The following HNRNPM variants were observed in gnomAD, a reference collection of about 807,000 sequenced individuals.
HNRNPM encodes the protein heterogeneous nuclear ribonucleoprotein M.
Under a neutral mutation model 73.1 loss-of-function variants are expected in HNRNPM, and 11 were observed. That is an observed-to-expected ratio of 0.15 (90% CI 0.09 to 0.25). HNRNPM has a LOEUF of 0.25. HNRNPM is among the 10% of genes least tolerant of loss of function. The pLI is 1.00. For missense variants in HNRNPM, 789 were observed against 1,067.9 expected, an observed-to-expected ratio of 0.74 and a Z score of 3.64; for synonymous variants, 407 against 355.2, an observed-to-expected ratio of 1.15 and a Z score of -1.64.
chr19:8,480,555 A>G (rs905322527), intron 12 of HNRNPM, among the ~76,000 whole-genome samples: 1 of 150,852 alleles, frequency 6.6e-6, no homozygotes, highest in East Asian at 2.0e-4. Context: ...AATCCCAGCT[A>G]TTCAGGTGGC....
At chr19:8,461,835 A>T (rs1415108022) in intron 2 of HNRNPM, 1 of 152,212 alleles carries the variant, frequency 6.6e-6, no homozygotes, top group Admixed American at 6.5e-5. Context: ...ATATTCAAAC[A>T]TTCTGCCTCT....
rs73499656 is a variant in HNRNPM at position 8,481,410 on chromosome 19, A to G, written c.1121-1748A>G. 8.7e-3 allele frequency: 1,335 copies of G among 152,978 alleles called. 23 individuals carry two copies. Among genetic ancestry groups the G allele is most frequent in the African/African-American group, 0.03 (1,259 of 41,544 alleles). The allele number at this position is 152,978 out of a possible 1,614,324, so 9.5% of individuals were successfully genotyped here. Reference sequence around the variant, plus strand: ...TAGAGCGGCTGGCGGCGGTGGGTGCAGGTCTCTGTGAGGCAGGGGAGGAGC... The same window carrying G: ...TAGAGCGGCTGGCGGCGGTGGGTGCGGGTCTCTGTGAGGCAGGGGAGGAGC... On this transcript the variant is annotated intron_variant, in intron 12 of 15. Transcript: ENST00000325495.
chr19:8,457,382 G>A (rs996600740), intron 2 of HNRNPM, among the ~76,000 whole-genome samples: 1 of 152,150 alleles, frequency 6.6e-6, no homozygotes, highest in African/African-American at 2.4e-5. Flanking sequence ...GGTTGATTGG[G>A]ATACTTCCAA....
chr19:8,463,929 C>G, intron 5 of HNRNPM: 1 of 468,756 alleles, frequency 2.1e-6, no homozygotes, highest in African/African-American at 1.9e-5. Flanking sequence ...TTGTCTGAGG[C>G]CTTGTTGTCT....
chr19:8,473,533 A>G (rs1307119657), intron 10 of HNRNPM, 131 bp from the exon 11 acceptor site: 3 of 652,090 alleles, frequency 4.6e-6, no homozygotes, highest in Non-Finnish European at 5.5e-6. Context: ...TGATTAAAAT[A>G]TATAAAATAT....
chr19:8,454,678 C>CA (rs142194453), intron 1 of HNRNPM, among the ~76,000 whole-genome samples: 1 of 122,954 alleles, frequency 8.1e-6, no homozygotes, highest in Non-Finnish European at 1.8e-5. Context: ...TTTATGCCCC[C>CA]CCCCCCTTTT....
chr19:8,471,724 G>A (rs1329939511), intron 10 of HNRNPM, among the ~76,000 whole-genome samples: 1 of 152,092 alleles, frequency 6.6e-6, no homozygotes, highest in African/African-American at 2.4e-5. Context: ...CTTGCTCAAG[G>A]TCACACTGTC....
intron 9 of HNRNPM, among the ~76,000 whole-genome samples, 174 bp downstream of exon 9, chr19:8,469,008 A>T (rs778480373): frequency 4.0e-4 from 61 of 152,132 alleles, no homozygotes; most frequent in Non-Finnish European, 7.8e-4. Context: ...CAACTTGAGG[A>T]TATTGTTAGG....
At chr19:8,465,752 C>G (rs1434674232) in intron 6 of HNRNPM, among the ~76,000 whole-genome samples, 1 of 152,100 alleles carries the variant, frequency 6.6e-6, no homozygotes, top group Non-Finnish European at 1.5e-5. Context: ...TTTCCGCAAG[C>G]AGTAACCGAG....
chr19:8,466,427 C>T, intron 7 of HNRNPM, 39 bp downstream of exon 7: 3 of 1,603,850 alleles, frequency 1.9e-6, no homozygotes, highest in South Asian at 1.1e-5. Context: ...AACAGTTTGA[C>T]CTAAATTGCT....
At chr19:8,476,583 AG>A (rs1426057135) in intron 12 of HNRNPM, among the ~76,000 whole-genome samples, 2 of 146,008 alleles carry the variant, frequency 1.4e-5, no homozygotes, top group East Asian at 3.9e-4. Context: ...AAAAAAAGAG[AG>A]ATTGTTAAAT....
intron 13 of HNRNPM, among the ~76,000 whole-genome samples, chr19:8,484,578 T>C (rs1971141898): frequency 6.6e-6 from 1 of 152,264 alleles, no homozygotes; most frequent in East Asian, 1.9e-4. Flanking sequence ...TCACACATTC[T>C]TAGAGTCGGG....
intron 10 of HNRNPM, among the ~76,000 whole-genome samples, chr19:8,473,312 T>G (rs1367613101): frequency 6.6e-6 from 1 of 151,980 alleles, no homozygotes; most frequent in African/African-American, 2.4e-5. Context: ...CAGAAAAAGA[T>G]TAGCCAGGCG....
At position 8,455,416 on chromosome 19, in the gene HNRNPM, G is replaced by A. The variant is rs1336787151; in HGVS notation, c.125G>A (p.Arg42Gln). ...TCTCTCGAATTCAGTGAAGGAGAAC[G>A]ACCTGCTCAGAATGAGAAGAGGAAG... The part of the protein sequence containing the change: ...GAPGPKGEGE[R>Q]PAQNEKRKEK... Residue 42 changes from arginine (R) to glutamine (Q), a missense_variant, in exon 2 of 16, where the codon CGA (arginine) becomes CAA (glutamine). Arg to Gln is a conservative substitution (Grantham distance 43). This residue lies in a region of HNRNPM where 79 missense variants were observed against 70.7 expected (regional missense o/e 1.12). Transcript: ENST00000325495. 1 of 1,613,386 alleles carries A rather than the reference G, an allele frequency of 6.2e-7. No homozygotes were observed. Among genetic ancestry groups the A allele is most frequent in the Non-Finnish European group, 8.5e-7 (1 of 1,179,734 alleles).
intron 8 of HNRNPM, 56 bp downstream of exon 8, chr19:8,467,640 TTAATAA>T: frequency 1.6e-6 from 2 of 1,232,730 alleles, no homozygotes; most frequent in Admixed American, 3.4e-5. Flanking sequence ...AAACATGGAA[TTAATAA>T]GAGTGTACAT....
At chr19:8,458,426 A>C (rs1168512657) in intron 2 of HNRNPM, among the ~76,000 whole-genome samples, 1 of 152,234 alleles carries the variant, frequency 6.6e-6, no homozygotes, top group African/African-American at 2.4e-5. Context: ...AGGCGATCTT[A>C]GGCTTTTAAA....
intron 12 of HNRNPM, among the ~76,000 whole-genome samples, chr19:8,478,759 G>T (rs754020684): frequency 1.3e-5 from 2 of 152,174 alleles, no homozygotes; most frequent in African/African-American, 4.8e-5. Flanking sequence ...AAACTGCTGC[G>T]TGTACTTGAC....
At chr19:8,485,579 C>G in intron 13 of HNRNPM, 24 bp from the exon 14 acceptor site, 2 of 1,587,852 alleles carry the variant, frequency 1.3e-6, no homozygotes, top group South Asian at 1.1e-5. Flanking sequence ...TGACACCCAC[C>G]TGTGTTTTGT....
At chr19:8,455,957 T>TA (rs957309428) in intron 2 of HNRNPM, among the ~76,000 whole-genome samples, 3 of 151,092 alleles carry the variant, frequency 2.0e-5, no homozygotes, top group African/African-American at 7.3e-5. Context: ...TTTTTTTTTT[T>TA]TTTAAGCTTT....
Sources: allele counts gnomAD v4.1 joint callset (sites outside exome capture counted in the v4.1 genomes callset), GRCh38; gene constraint gnomAD v4.1.1; regional missense constraint gnomAD v4.1.1; transcripts MANE v1.5; gene names NCBI Gene and HGNC (gene_info 2026-07-23, HGNC 2026-07-21).